The following ZNF83 variants were observed in gnomAD, a reference collection of about 807,000 sequenced individuals.
ZNF83 encodes zinc finger protein 83, also known as zinc finger protein 816B.
For synonymous variants in ZNF83, 209 were observed against 213.0 expected, an observed-to-expected ratio of 0.98 and a Z score of 0.17; for missense variants, 552 against 629.9, an observed-to-expected ratio of 0.88 and a Z score of 1.32.
chr19:52,635,332 C>CCG, intron 1 of ZNF83, 179 bp from the exon 2 acceptor site: 1 of 372,770 alleles, frequency 2.7e-6, no homozygotes. Flanking sequence ...GAAGCCCACA[C>CCG]CACACCCTTC....
At chr19:52,652,898 G>A in intron 3 of ZNF83, 1 of 1,102,632 alleles carries the variant, frequency 9.1e-7, no homozygotes, top group East Asian at 2.6e-5. Flanking sequence ...CACTTGTAAG[G>A]TTTCTCTCCA....
exon 3 of ZNF83, chr19:52,614,119 T>C (rs1404131945): frequency 1.2e-6 from 2 of 1,613,962 alleles, no homozygotes; most frequent in Admixed American, 1.7e-5. Flanking sequence ...ATTACATTTA[T>C]ATGGCTTCTC....
intron 3 of ZNF83, among the ~76,000 whole-genome samples, chr19:52,647,712 G>A (rs1231591808): frequency 6.6e-6 from 1 of 150,522 alleles, no homozygotes; most frequent in Admixed American, 6.7e-5. Context: ...CTCTTCTGCT[G>A]CTGTTTATTC....
chr19:52,654,525 T>G, intron 3 of ZNF83: 1 of 463,032 alleles, frequency 2.2e-6, no homozygotes, highest in East Asian at 3.6e-5. Context: ...AAATATGATC[T>G]TCAAAGTTTA....
At chr19:52,641,248 T>C (rs563460414), upstream of ZNF83, among the ~76,000 whole-genome samples, 15 of 152,072 alleles carry the variant, frequency 9.9e-5, no homozygotes, top group East Asian at 2.9e-3. Flanking sequence ...GTCCACAGAG[T>C]CCTAAGCAGA....
intron 2 of ZNF83, among the ~76,000 whole-genome samples, chr19:52,630,767 T>C (rs2060926625): frequency 6.6e-6 from 1 of 152,038 alleles, no homozygotes; most frequent in African/African-American, 2.4e-5. Context: ...CAGTATCCCA[T>C]CCCACAGCAC....
chr19:52,618,842 T>A, intron 2 of ZNF83: 1 of 1,486,262 alleles, frequency 6.7e-7, no homozygotes. Flanking sequence ...GCTTCCATTT[T>A]AGTCAAGCAA....
At chr19:52,653,131 C>A (rs1226692370) in intron 3 of ZNF83, 1 of 1,467,186 alleles carries the variant, frequency 6.8e-7, no homozygotes, top group Non-Finnish European at 9.5e-7. Context: ...GGTCTTGCCA[C>A]ACTCATGACA....
At chr19:52,614,397 G>C (rs1348392815) in exon 3 of ZNF83, 1 of 1,613,438 alleles carries the variant, frequency 6.2e-7, no homozygotes, top group East Asian at 2.2e-5. Context: ...AAATACGTTG[G>C]GGTGGGGAAA....
upstream of ZNF83, among the ~76,000 whole-genome samples, chr19:52,639,564 C>T (rs1044423692): frequency 5.3e-5 from 8 of 151,292 alleles, no homozygotes; most frequent in African/African-American, 1.9e-4. Context: ...ATTACAGACG[C>T]GCACAACCAT....
intron 2 of ZNF83, among the ~76,000 whole-genome samples, chr19:52,630,218 C>T (rs2060902851): frequency 1.3e-5 from 2 of 152,232 alleles, no homozygotes; most frequent in Admixed American, 1.3e-4. Flanking sequence ...CTGACTCCTT[C>T]CCAGATCTTC....
At chr19:52,613,080 G>C (rs780943952) in exon 3 of ZNF83, 2 of 1,613,088 alleles carry the variant, frequency 1.2e-6, no homozygotes, top group African/African-American at 1.3e-5. Context: ...ATGAATTGTC[G>C]CGGAAGAGTT....
intron 1 of ZNF83, among the ~76,000 whole-genome samples, chr19:52,679,396 TG>T (rs1298494933): frequency 6.6e-6 from 1 of 152,078 alleles, no homozygotes; most frequent in Non-Finnish European, 1.5e-5. Flanking sequence ...GGGTCACCTG[TG>T]GTCAGGAGTT....
chr19:52,658,803 G>A (rs990448437), intron 2 of ZNF83, among the ~76,000 whole-genome samples: 3 of 152,092 alleles, frequency 2.0e-5, no homozygotes, highest in Admixed American at 6.5e-5. Flanking sequence ...GCCCTCTAGC[G>A]GGAGGCTGAC....
At chr19:52,680,687 A>T (rs1416798267) in intron 1 of ZNF83, among the ~76,000 whole-genome samples, 2 of 126,400 alleles carry the variant, frequency 1.6e-5, no homozygotes, top group Non-Finnish European at 3.1e-5. Context: ...ATCTCGGCTC[A>T]CTGCAAGCTC....
At chr19:52,624,288 C>G (rs1021325390) in intron 2 of ZNF83, among the ~76,000 whole-genome samples, 1 of 151,504 alleles carries the variant, frequency 6.6e-6, no homozygotes, top group Admixed American at 6.6e-5. Flanking sequence ...AGGTATCCCC[C>G]ACCAAAGCTC....
At chr19:52,637,034 GTTTTC>G (rs1380686920) in intron 1 of ZNF83, 2 of 151,996 alleles carry the variant, frequency 1.3e-5, no homozygotes, top group African/African-American at 4.9e-5. Context: ...TCTAGCTCTT[GTTTTC>G]TTTTCTTTTT....
chr19:52,666,246 A>G (rs2061651267), intron 1 of ZNF83, among the ~76,000 whole-genome samples: 1 of 151,864 alleles, frequency 6.6e-6, no homozygotes, highest in South Asian at 2.1e-4. Flanking sequence ...TCAAAGAGAG[A>G]GGGAGAAAGA....
chr19:52,685,612 G>A (rs1029122918), intron 1 of ZNF83, among the ~76,000 whole-genome samples: 13 of 151,952 alleles, frequency 8.6e-5, no homozygotes, highest in African/African-American at 2.7e-4. Context: ...AGAATATATG[G>A]GTGGTCAGGC....
Sources: gnomAD v4.1 joint callset for allele counts (sites outside exome capture counted in the v4.1 genomes callset) on GRCh38, gnomAD v4.1.1 for gene constraint, MANE v1.5 for transcripts, NCBI Gene and HGNC (gene_info 2026-07-23, HGNC 2026-07-21) for gene names.